ARPP21: variants seen among roughly 807,000 people sequenced by gnomAD.
The protein encoded by ARPP21 is cAMP regulated phosphoprotein 21.
ARPP21 carries 69 observed loss-of-function variants against 113.2 expected under a neutral mutation model. The ratio of observed to expected loss-of-function variants is 0.61; its 90% CI spans 0.50 to 0.74. The LOEUF is 0.74. Ranked by LOEUF, ARPP21 falls within the 30% of genes least tolerant of loss-of-function variation. ARPP21 has a pLI of 0.00. For missense variants in ARPP21, 1,070 were observed against 1,037.4 expected (o/e 1.03, Z -0.43); for synonymous variants, 368 against 375.5 (o/e 0.98, Z 0.23).
At chr3:35,651,494 G>A (rs767860563) in intron 1 of ARPP21, among the ~76,000 whole-genome samples, 4 of 151,794 alleles carry the variant, frequency 2.6e-5, no homozygotes, top group African/African-American at 4.8e-5. Flanking sequence ...GTTCTTTAGC[G>A]CTGAAAGTAA....
chr3:35,706,847 A>G (rs1369404901), intron 9 of ARPP21, 127 bp from the exon 10 acceptor site: 2 of 641,058 alleles, frequency 3.1e-6, no homozygotes, highest in Non-Finnish European at 5.4e-6. Context: ...ATTGCCAGCA[A>G]CTCTAGTATG....
intron 14 of ARPP21, among the ~76,000 whole-genome samples, chr3:35,724,217 T>C (rs1289019907): frequency 6.6e-6 from 1 of 152,220 alleles, no homozygotes; most frequent in African/African-American, 2.4e-5. Context: ...TCTTGAGGCC[T>C]GGGCTGCCTA....
rs761270285 is a variant in ARPP21 at position 35,743,897 on chromosome 3, G to A, written c.2069G>A (p.Arg690Gln). 55 of 1,613,886 alleles carry A rather than the reference G, an allele frequency of 3.4e-5. No homozygotes were observed. The highest frequency in any genetic ancestry group is 3.3e-4 in the Admixed American group (20 of 59,994). The change falls in exon 19 of 21, where the codon CGG becomes CAG. Residue 690 changes from arginine to glutamine, a missense_variant. Coordinates refer to ENST00000684406, the MANE Select transcript of ARPP21 (RefSeq NM_001385562.1). ...QYPTSTTQQY[R>Q]PMAPVQYNAQ... Reference sequence around the variant, plus strand: ...CCTACCTCAACCACGCAACAGTACCGGCCCATGGCCCCGGTTCAGTACAAC... The same window carrying A: ...CCTACCTCAACCACGCAACAGTACCAGCCCATGGCCCCGGTTCAGTACAAC...
At chr3:35,784,509 T>C (rs1322089739) in intron 19 of ARPP21, among the ~76,000 whole-genome samples, 1 of 152,188 alleles carries the variant, frequency 6.6e-6, no homozygotes, top group Non-Finnish European at 1.5e-5. Context: ...CCATCAACCA[T>C]GTGATAGCAC....
At chr3:35,649,193 T>C (rs1239766557) in intron 1 of ARPP21, among the ~76,000 whole-genome samples, 1 of 152,142 alleles carries the variant, frequency 6.6e-6, no homozygotes, top group African/African-American at 2.4e-5. Context: ...CTAAATAAGG[T>C]TTTAATTGTA....
At chr3:35,677,327 A>G (rs2077772975) in intron 1 of ARPP21, among the ~76,000 whole-genome samples, 1 of 151,766 alleles carries the variant, frequency 6.6e-6, no homozygotes, top group Non-Finnish European at 1.5e-5. Flanking sequence ...CTATTTTGAT[A>G]GTGATGATGA....
At chr3:35,735,313 C>T (rs28663276) in intron 15 of ARPP21, among the ~76,000 whole-genome samples, 5,975 of 151,920 alleles carry the variant, frequency 0.039, 174 homozygotes, top group Admixed American at 0.079. Flanking sequence ...GAGTTTTGCC[C>T]GGTTGCCCAG....
Position 35,737,223 on chromosome 3 carries a change from C to T in ARPP21, c.1505C>T (p.Pro502Leu), listed in dbSNP as rs751772414. 3.0e-5 allele frequency: 49 copies of T among 1,612,646 alleles called. No individual in the cohort carries two copies. The South Asian group carries it at 5.2e-4, about 17-fold the overall frequency. Residue 502 changes from proline to leucine, a missense_variant, in exon 16 of 21, where the codon CCA becomes CTA. Coordinates refer to ENST00000684406, the MANE Select transcript of ARPP21 (RefSeq NM_001385562.1). ...NPDGTPAIYN[P>L]PTSQQPLRSA... ...GATGGAACTCCTGCAATATACAACCCACCCACCAGTCAGCAGCCCCTGCGA... is the reference window on the plus strand; with the variant it reads ...GATGGAACTCCTGCAATATACAACCTACCCACCAGTCAGCAGCCCCTGCGA...
chr3:35,766,255 C>G (rs910217847), intron 19 of ARPP21, among the ~76,000 whole-genome samples: 13 of 152,094 alleles, frequency 8.5e-5, no homozygotes, highest in African/African-American at 3.1e-4. Flanking sequence ...CTCCCAAGTT[C>G]CATTCTGAAA....
At chr3:35,792,305 A>G (rs1271793972) in intron 19 of ARPP21, 77 bp from the exon 20 acceptor site, 3 of 1,326,594 alleles carry the variant, frequency 2.3e-6, no homozygotes, top group Non-Finnish European at 2.1e-6. Context: ...CTGCCTTTTG[A>G]ACCAGTAGTT....
In ARPP21 at chr3:35,701,844, G is replaced by A. The variant is rs183591762; in HGVS notation, c.687-5130G>A. 4.4e-3 allele frequency among the ~76,000 whole-genome samples: 665 copies of A among 150,734 alleles called. 7 individuals are homozygous for A. The highest frequency in any genetic ancestry group is 0.015 in the African/African-American group (622 of 40,786). On this transcript the variant is annotated intron_variant, in intron 9 of 20. Transcript: ENST00000684406. ...ATCTGATATTTTTTAAAGTAGCAGC[G>A]CAGTAGAACAATTAAGAATTGATTT...
intron 1 of ARPP21, among the ~76,000 whole-genome samples, chr3:35,667,418 T>G (rs2074662776): frequency 6.6e-6 from 1 of 152,188 alleles, no homozygotes; most frequent in Non-Finnish European, 1.5e-5. Flanking sequence ...ATTTATGTAT[T>G]AATTCATTAA....
intron 19 of ARPP21, among the ~76,000 whole-genome samples, chr3:35,749,815 A>G (rs1013118995): frequency 1.3e-5 from 2 of 152,078 alleles, no homozygotes; most frequent in African/African-American, 2.4e-5. Flanking sequence ...GTCTTCGCCC[A>G]TTTCTTCCAA....
At chr3:35,725,527 C>A (rs955769273) in intron 14 of ARPP21, among the ~76,000 whole-genome samples, 1 of 152,166 alleles carries the variant, frequency 6.6e-6, no homozygotes, top group Non-Finnish European at 1.5e-5. Flanking sequence ...GAAAACACAG[C>A]TAGTAAGTGG....
intron 15 of ARPP21, among the ~76,000 whole-genome samples, chr3:35,735,936 A>C (rs1402302595): frequency 6.6e-6 from 1 of 152,064 alleles, no homozygotes; most frequent in African/African-American, 2.4e-5. Flanking sequence ...CCTTCACCTC[A>C]CCTGACTTCT....
intron 19 of ARPP21, among the ~76,000 whole-genome samples, chr3:35,754,006 T>C (rs1159850616): frequency 6.6e-6 from 1 of 151,540 alleles, no homozygotes; most frequent in African/African-American, 2.4e-5. Flanking sequence ...TCTCATTCTT[T>C]GTGCTTCTGC....
chr3:35,659,834 G>A (rs1476943995), intron 1 of ARPP21, among the ~76,000 whole-genome samples: 1 of 152,092 alleles, frequency 6.6e-6, no homozygotes, highest in Non-Finnish European at 1.5e-5. Flanking sequence ...CTGATGGAGG[G>A]GCTTCCTGTT....
At chr3:35,715,681 T>G (rs989133948) in intron 12 of ARPP21, 3 of 384,644 alleles carry the variant, frequency 7.8e-6, no homozygotes, top group African/African-American at 6.2e-5. Flanking sequence ...TTCAGTTAAT[T>G]CCAAACAGAA....
At chr3:35,703,914 T>C (rs1376695755) in intron 9 of ARPP21, among the ~76,000 whole-genome samples, 1 of 151,924 alleles carries the variant, frequency 6.6e-6, no homozygotes, top group Admixed American at 6.6e-5. Context: ...TTCAAAGCTA[T>C]AATATAATGG....
Sources: allele counts gnomAD v4.1 joint callset (sites outside exome capture counted in the v4.1 genomes callset), GRCh38; gene constraint gnomAD v4.1.1; transcripts MANE v1.5; gene names NCBI Gene and HGNC (gene_info 2026-07-23, HGNC 2026-07-21).